Variants in MYO16 observed in about 807,000 individuals in gnomAD.
MYO16 encodes unconventional myosin-XVI.
MYO16 carries 94 observed loss-of-function variants against 205.3 expected under a neutral mutation model. The ratio of observed to expected loss-of-function variants is 0.46; its 90% CI spans 0.39 to 0.54. The LOEUF is 0.54. MYO16 is among the 20% of genes least tolerant of loss of function. The pLI, the probability that MYO16 is intolerant of heterozygous loss-of-function variation, is 0.00. For synonymous variants in MYO16, 988 were observed against 954.0 expected, an observed-to-expected ratio of 1.04 and a Z score of -0.66; for missense variants, 2,315 against 2,387.5, an observed-to-expected ratio of 0.97 and a Z score of 0.63.
chr13:108,920,843 G>A (rs996150368), intron 16 of MYO16, among the ~76,000 whole-genome samples: 4 of 152,218 alleles, frequency 2.6e-5, no homozygotes, highest in Admixed American at 6.5e-5. Flanking sequence ...ACCATATGGA[G>A]ATGTGAAAGA....
chr13:109,070,069 T>C (rs535847175), intron 27 of MYO16, among the ~76,000 whole-genome samples: 14 of 152,306 alleles, frequency 9.2e-5, no homozygotes, highest in South Asian at 8.3e-4. Flanking sequence ...ATACTGTATG[T>C]GGCTAAAGAC....
At chr13:108,888,336 C>T (rs1055462018) in intron 13 of MYO16, 36 bp from the exon 14 acceptor site, 3 of 1,473,528 alleles carry the variant, frequency 2.0e-6, no homozygotes, top group East Asian at 2.4e-5. Flanking sequence ...AGCAAAGTTC[C>T]TTCAAACTTA....
chr13:109,097,651 A>G (rs373616629), intron 27 of MYO16, among the ~76,000 whole-genome samples: 1 of 152,234 alleles, frequency 6.6e-6, no homozygotes, highest in Non-Finnish European at 1.5e-5. Context: ...AAATCACTGA[A>G]GTCCATTTAG....
chr13:108,730,031 A>G (rs1180689945), intron 4 of MYO16, among the ~76,000 whole-genome samples: 2 of 152,202 alleles, frequency 1.3e-5, no homozygotes, highest in Non-Finnish European at 2.9e-5. Context: ...TGCAGTATCT[A>G]TAAGTACATG....
chr13:108,741,537 CA>C (rs879412885), intron 4 of MYO16, among the ~76,000 whole-genome samples: 2 of 151,902 alleles, frequency 1.3e-5, no homozygotes, highest in Non-Finnish European at 2.9e-5. Flanking sequence ...TTTTTAACCT[CA>C]AAAAAGGTGT....
At chr13:108,506,148 C>A in the MYO16 span, among the ~76,000 whole-genome samples, 1 of 151,922 alleles carries the variant, frequency 6.6e-6, no homozygotes, top group Non-Finnish European at 1.5e-5. Flanking sequence ...CTTTGGGGTC[C>A]TTTGAGATCC....
At chr13:109,011,508 T>TTTTG (rs1885597114) in intron 22 of MYO16, among the ~76,000 whole-genome samples, 1 of 150,570 alleles carries the variant, frequency 6.6e-6, no homozygotes, top group Non-Finnish European at 1.5e-5. Context: ...CTTTTTTTTT[T>TTTTG]TTGTTGTTAT....
At chr13:109,124,473 C>T (rs1206057257) in intron 29 of MYO16, among the ~76,000 whole-genome samples, 1 of 152,060 alleles carries the variant, frequency 6.6e-6, no homozygotes, top group African/African-American at 2.4e-5. Flanking sequence ...TACAGAGGTC[C>T]CTTTAAATGG....
At chr13:109,106,146 C>G (rs1334719315) in intron 28 of MYO16, among the ~76,000 whole-genome samples, 2 of 152,188 alleles carry the variant, frequency 1.3e-5, no homozygotes, top group African/African-American at 4.8e-5. Context: ...TCTGTCGCAG[C>G]AGATATAGTT....
intron 1 of MYO16, among the ~76,000 whole-genome samples, chr13:108,620,440 G>A (rs1409825090): frequency 6.6e-6 from 1 of 152,158 alleles, no homozygotes; most frequent in Admixed American, 6.5e-5. Flanking sequence ...ACCGTACTAA[G>A]AGCATGCATT....
intron 31 of MYO16, among the ~76,000 whole-genome samples, chr13:109,128,768 GTTTTTTTT>G (rs1172405612): frequency 8.7e-6 from 1 of 115,016 alleles, no homozygotes; most frequent in African/African-American, 3.4e-5. Flanking sequence ...CACTTTTTTA[GTTTTTTTT>G]TTTTTTTTTT....
intron 17 of MYO16, among the ~76,000 whole-genome samples, chr13:108,960,428 AC>A: frequency 6.6e-6 from 1 of 152,234 alleles, no homozygotes; most frequent in Admixed American, 6.5e-5. Flanking sequence ...TATGTATATC[AC>A]TTTCATAAAA....
chr13:108,778,799 C>T (rs1339282323), intron 4 of MYO16, among the ~76,000 whole-genome samples: 3 of 152,144 alleles, frequency 2.0e-5, no homozygotes, highest in Non-Finnish European at 2.9e-5. Flanking sequence ...TTGTATTGAA[C>T]AGTCAGCAAT....
chr13:108,563,756 G>A, the MYO16 span, among the ~76,000 whole-genome samples: 500 of 152,226 alleles, frequency 3.3e-3, 5 homozygotes, highest in African/African-American at 0.011. Flanking sequence ...TGGACACTTA[G>A]GTTGCTTCCA....
chr13:109,047,391 T>C (rs111764329), intron 24 of MYO16, among the ~76,000 whole-genome samples: 2 of 152,282 alleles, frequency 1.3e-5, no homozygotes, highest in Non-Finnish European at 1.5e-5. Context: ...TTTATTCTTA[T>C]GTACTTTCAG....
chr13:108,851,791 C>T (rs1877883772), intron 10 of MYO16, among the ~76,000 whole-genome samples: 1 of 152,130 alleles, frequency 6.6e-6, no homozygotes, highest in African/African-American at 2.4e-5. Context: ...CTGTAGCTGC[C>T]AGGGTGTCAT....
At chr13:108,980,742 C>A (rs1407622702) in intron 20 of MYO16, among the ~76,000 whole-genome samples, 1 of 152,160 alleles carries the variant, frequency 6.6e-6, no homozygotes, top group Non-Finnish European at 1.5e-5. Flanking sequence ...ATTTTCCAAG[C>A]CTGGCATCTT....
chr13:108,834,727 TGATAA>T (rs1016399367), intron 9 of MYO16, among the ~76,000 whole-genome samples: 1 of 151,992 alleles, frequency 6.6e-6, no homozygotes, highest in Admixed American at 6.6e-5. Flanking sequence ...AAACATAATC[TGATAA>T]ATGTTTTTCC....
intron 14 of MYO16, among the ~76,000 whole-genome samples, chr13:108,892,755 A>T (rs1880232358): frequency 6.6e-6 from 1 of 152,238 alleles, no homozygotes. Context: ...CCTCTAAATT[A>T]TATACAATCA....
Sources: allele counts gnomAD v4.1 joint callset (sites outside exome capture counted in the v4.1 genomes callset), GRCh38; gene constraint gnomAD v4.1.1; transcripts MANE v1.5; gene names NCBI Gene and HGNC (gene_info 2026-07-23, HGNC 2026-07-21).